The following THADA variants were observed in gnomAD, a reference collection of about 807,000 sequenced individuals.
THADA encodes the protein tRNA (32-2'-O)-methyltransferase regulator THADA.
In THADA, 213 loss-of-function variants were observed where a neutral mutation model predicts 219.8. The observed-to-expected ratio is 0.97, with a 90% CI of 0.87 to 1.09. The LOEUF is 1.09. THADA is among the 50% of genes least tolerant of loss of function. The pLI is 0.00. For synonymous variants in THADA, 1,018 were observed against 828.9 expected (o/e 1.23, Z -3.92); for missense variants, 2,956 against 2,311.3 (o/e 1.28, Z -5.72).
At chr2:43,476,586 T>C (rs1279123288) in intron 26 of THADA, among the ~76,000 whole-genome samples, 1 of 152,176 alleles carries the variant, frequency 6.6e-6, no homozygotes, top group Non-Finnish European at 1.5e-5. Context: ...AGCCTCTGGG[T>C]AAATGTTAAC....
At chr2:43,541,089 G>T in intron 21 of THADA, 70 bp downstream of exon 21, 10 of 1,382,062 alleles carry the variant, frequency 7.2e-6, no homozygotes, top group South Asian at 5.3e-5. Flanking sequence ...TTTAGAGTTG[G>T]GTTATAAAAA....
intron 8 of THADA, among the ~76,000 whole-genome samples, chr2:43,579,173 CG>C (rs1056077734): frequency 2.5e-4 from 38 of 152,278 alleles, no homozygotes; most frequent in African/African-American, 8.4e-4. Context: ...ACTCAATAAA[CG>C]TGATTCCTTC....
Position 43,574,877 on chromosome 2 carries a change from G to C in THADA, c.1188C>G (p.Val396=). The change falls in exon 11 of 38, where the codon GTC becomes GTG. Residue 396 remains valine, a synonymous_variant. Transcript: ENST00000405975. ...SSIVGRLLEY[V]YTHWEHPLDA... is the part of the protein sequence containing the mutation. Reference sequence around the variant, plus strand: ...CCAATGGATGTTCCCAATGGGTATAGACATATTCCAAAAGTCTCCCAACTA... The same window carrying C: ...CCAATGGATGTTCCCAATGGGTATACACATATTCCAAAAGTCTCCCAACTA... 1.2e-6 allele frequency: 2 copies of C among 1,613,976 alleles called. No individual in the cohort carries two copies. The highest frequency in any genetic ancestry group is 2.2e-5 in the East Asian group (1 of 44,884).
chr2:43,318,636 C>T (rs1019865315), intron 31 of THADA, among the ~76,000 whole-genome samples: 25 of 152,132 alleles, frequency 1.6e-4, no homozygotes, highest in African/African-American at 6.0e-4. Context: ...GGTTGTCATA[C>T]TAGAATAAAA....
At chr2:43,422,465 G>A (rs2104794020) in intron 28 of THADA, among the ~76,000 whole-genome samples, 1 of 152,130 alleles carries the variant, frequency 6.6e-6, no homozygotes. Context: ...AATAATGTGG[G>A]TTTAGGCTAA....
At chr2:43,550,102 T>C (rs574182510) in intron 19 of THADA, among the ~76,000 whole-genome samples, 2 of 152,284 alleles carry the variant, frequency 1.3e-5, no homozygotes, top group Admixed American at 6.5e-5. Context: ...CATTACTGAG[T>C]GACGAGTGCC....
In THADA at chr2:43,231,347, A is replaced by C. The variant is rs1485465901; in HGVS notation, c.5467-4T>G. 5 of 1,516,916 alleles carry C rather than the reference A, an allele frequency of 3.3e-6. No homozygotes were observed. Among genetic ancestry groups the C allele is most frequent in the South Asian group, 1.3e-5 (1 of 74,488 alleles). The allele number at this position is 1,516,916 out of a possible 1,614,324, so 94.0% of individuals were successfully genotyped here. A position where few individuals can be genotyped will look rare whatever the true frequency, so the allele number is the denominator to read the frequency against. ...CAAACAGGTAGTCTTCTTCCACCTA[A>C]ATCAGATGAAAAAGCCGAAAGTCAG... On this transcript the variant is annotated splice_polypyrimidine_tract_variant and splice_region_variant and intron_variant, in intron 37 of 37. Transcript: ENST00000405975.
chr2:43,432,593 C>T (rs753423184), intron 26 of THADA, among the ~76,000 whole-genome samples: 2 of 151,852 alleles, frequency 1.3e-5, no homozygotes, highest in African/African-American at 4.8e-5. Context: ...ATTTAGGAAA[C>T]TGACAGTTTC....
At chr2:43,498,329 G>T (rs1328531374) in intron 25 of THADA, among the ~76,000 whole-genome samples, 1 of 152,140 alleles carries the variant, frequency 6.6e-6, no homozygotes, top group African/African-American at 2.4e-5. Context: ...TGTTGTGAAT[G>T]CACATAATGC....
chr2:43,461,428 C>T (rs1683629806), intron 26 of THADA, among the ~76,000 whole-genome samples: 1 of 151,990 alleles, frequency 6.6e-6, no homozygotes, highest in African/African-American at 2.4e-5. Context: ...AAAGGTAAAC[C>T]CAGTCCTAAC....
intron 28 of THADA, among the ~76,000 whole-genome samples, chr2:43,399,602 G>A (rs57155700): frequency 0.019 from 2,857 of 152,250 alleles, 41 homozygotes; most frequent in African/African-American, 0.047. Context: ...AGACAGTTAC[G>A]TCTATTGGGT....
At chr2:43,455,909 C>T (rs545724997) in intron 26 of THADA, among the ~76,000 whole-genome samples, 8 of 152,292 alleles carry the variant, frequency 5.3e-5, no homozygotes, top group South Asian at 4.1e-4. Flanking sequence ...ATGGTCAAAA[C>T]GTTGACCACA....
chr2:43,264,168 G>A (rs1352848624), intron 36 of THADA, among the ~76,000 whole-genome samples: 1 of 152,100 alleles, frequency 6.6e-6, no homozygotes, highest in Non-Finnish European at 1.5e-5. Context: ...CATGGTTTCA[G>A]GGGAGTGGAT....
At chr2:43,354,072 C>A (rs1444120696) in intron 29 of THADA, among the ~76,000 whole-genome samples, 1 of 152,086 alleles carries the variant, frequency 6.6e-6, no homozygotes, top group Non-Finnish European at 1.5e-5. Flanking sequence ...CCGCCTCAGC[C>A]TACCAAAGTG....
intron 29 of THADA, among the ~76,000 whole-genome samples, chr2:43,359,262 T>G (rs6743205): frequency 0.026 from 3,950 of 152,316 alleles, 193 homozygotes; most frequent in African/African-American, 0.09. Context: ...CTCCAAATCT[T>G]GAGCCCCATT....
chr2:43,570,340 C>G (rs959610572), intron 14 of THADA, 48 bp downstream of exon 14: 1 of 1,520,362 alleles, frequency 6.6e-7, no homozygotes. Flanking sequence ...ATTCATAATA[C>G]TTTTTAATTT....
chr2:43,248,496 T>G (rs1000250821), intron 36 of THADA, among the ~76,000 whole-genome samples: 12 of 152,186 alleles, frequency 7.9e-5, no homozygotes, highest in African/African-American at 2.9e-4. Context: ...CCTCCCAAAG[T>G]GCTGGGATTA....
chr2:43,578,892 C>T (rs1386101320), intron 8 of THADA, among the ~76,000 whole-genome samples: 6 of 152,160 alleles, frequency 3.9e-5, no homozygotes, highest in Admixed American at 2.0e-4. Flanking sequence ...AGTGTAGTAG[C>T]GTGACCTCAG....
intron 35 of THADA, among the ~76,000 whole-genome samples, chr2:43,285,213 A>G (rs1301759085): frequency 1.3e-5 from 2 of 152,224 alleles, no homozygotes. Context: ...CATGAGATTC[A>G]GGAGGGGCCT....
Sources: gnomAD v4.1 joint callset for allele counts (sites outside exome capture counted in the v4.1 genomes callset) on GRCh38, gnomAD v4.1.1 for gene constraint, MANE v1.5 for transcripts, NCBI Gene and HGNC (gene_info 2026-07-23, HGNC 2026-07-21) for gene names.